The following NAALADL2 variants were observed in gnomAD, a reference collection of about 807,000 sequenced individuals.
NAALADL2 encodes inactive N-acetylated-alpha-linked acidic dipeptidase-like protein 2.
In NAALADL2, 76 loss-of-function variants were observed where a neutral mutation model predicts 87.2. The ratio of observed to expected loss-of-function variants is 0.87; its 90% CI spans 0.72 to 1.05. The LOEUF (loss-of-function observed/expected upper bound fraction) is 1.05, where lower values mean the gene tolerates loss of function less well. Among genes scored for constraint, NAALADL2 ranks in the 50% least tolerant of loss-of-function variants. The pLI, the probability that NAALADL2 is intolerant of heterozygous loss-of-function variation, is 0.00. For missense variants in NAALADL2, 1,089 were observed against 945.8 expected (o/e 1.15, Z -1.99); for synonymous variants, 354 against 331.0 (o/e 1.07, Z -0.75).
intron 3 of NAALADL2, among the ~76,000 whole-genome samples, chr3:174,818,345 T>G (rs1721021958): frequency 6.6e-6 from 1 of 152,134 alleles, no homozygotes; most frequent in Non-Finnish European, 1.5e-5. Flanking sequence ...GAGCTTCTTC[T>G]TGAAATACCC....
intron 11 of NAALADL2, among the ~76,000 whole-genome samples, chr3:175,705,968 G>T (rs1395155384): frequency 6.6e-6 from 1 of 152,238 alleles, no homozygotes; most frequent in South Asian, 2.1e-4. Flanking sequence ...AAGTAACATG[G>T]CATTTTCGGC....
At chr3:175,011,280 CAGAG>C (rs139229550) in intron 1 of NAALADL2, among the ~76,000 whole-genome samples, 8,060 of 113,108 alleles carry the variant, frequency 0.071, 285 homozygotes, top group East Asian at 0.2. Context: ...GACAGAGAGA[CAGAG>C]AGAGAGAGAG....
At chr3:174,689,005 A>G (rs1344303694) in intron 2 of NAALADL2, among the ~76,000 whole-genome samples, 1 of 151,978 alleles carries the variant, frequency 6.6e-6, no homozygotes, top group Non-Finnish European at 1.5e-5. Context: ...ACATCAGCAA[A>G]AAAAAAAAAT....
intron 5 of NAALADL2, among the ~76,000 whole-genome samples, chr3:175,338,538 G>A (rs1167149246): frequency 6.8e-6 from 1 of 146,594 alleles, no homozygotes; most frequent in East Asian, 2.0e-4. Flanking sequence ...TAGCAACAGA[G>A]GCACCAGGAA....
intron 2 of NAALADL2, among the ~76,000 whole-genome samples, chr3:175,187,465 A>C (rs1485231392): frequency 6.6e-6 from 1 of 152,056 alleles, no homozygotes; most frequent in South Asian, 2.1e-4. Context: ...TGTAAGCTTT[A>C]GGTTTGAATC....
chr3:174,967,458 G>C (rs1743048086), intron 1 of NAALADL2, among the ~76,000 whole-genome samples: 1 of 151,456 alleles, frequency 6.6e-6, no homozygotes, highest in Admixed American at 6.6e-5. Context: ...TGACTTTGTT[G>C]CTCCTGTCTC....
At chr3:175,688,407 C>G (rs994968076) in intron 11 of NAALADL2, among the ~76,000 whole-genome samples, 12 of 152,064 alleles carry the variant, frequency 7.9e-5, no homozygotes, top group African/African-American at 2.7e-4. Context: ...CTCAGGTGAG[C>G]TGGGAGAGAC....
At chr3:175,526,098 T>C (rs2149432652) in intron 9 of NAALADL2, among the ~76,000 whole-genome samples, 1 of 152,326 alleles carries the variant, frequency 6.6e-6, no homozygotes, top group East Asian at 1.9e-4. Context: ...ATCAGCCTTT[T>C]TAAAAATGAG....
chr3:174,477,243 T>G (rs1717271634), intron 1 of NAALADL2, among the ~76,000 whole-genome samples: 1 of 152,158 alleles, frequency 6.6e-6, no homozygotes, highest in Non-Finnish European at 1.5e-5. Context: ...TTAGGCCAAA[T>G]ATCATTTGCT....
chr3:174,654,780 G>A (rs1724731102), intron 2 of NAALADL2, among the ~76,000 whole-genome samples: 1 of 152,076 alleles, frequency 6.6e-6, no homozygotes, highest in Admixed American at 6.6e-5. Flanking sequence ...CTGTCACCCA[G>A]GCTGGAGTGC....
intron 3 of NAALADL2, among the ~76,000 whole-genome samples, chr3:174,825,283 AT>A (rs1228414776): frequency 2.0e-5 from 3 of 151,070 alleles, no homozygotes; most frequent in African/African-American, 7.3e-5. Context: ...ACATAGAGTA[AT>A]TCCCAGTCCA....
chr3:174,601,535 C>A (rs1452275955), intron 2 of NAALADL2, among the ~76,000 whole-genome samples: 1 of 152,044 alleles, frequency 6.6e-6, no homozygotes, highest in Non-Finnish European at 1.5e-5. Flanking sequence ...CTTATATATT[C>A]CAGTTATAAA....
At chr3:175,308,849 A>C (rs1399155016) in intron 4 of NAALADL2, among the ~76,000 whole-genome samples, 1 of 152,188 alleles carries the variant, frequency 6.6e-6, no homozygotes. Context: ...CTTCTTTGCC[A>C]ACTATAAATC....
intron 11 of NAALADL2, among the ~76,000 whole-genome samples, chr3:175,696,860 C>T (rs184588700): frequency 6.6e-6 from 1 of 152,172 alleles, no homozygotes; most frequent in African/African-American, 2.4e-5. Flanking sequence ...GGTGAGCAAT[C>T]ACAAAAGGCA....
intron 5 of NAALADL2, among the ~76,000 whole-genome samples, chr3:175,402,514 T>A (rs1051195400): frequency 6.6e-6 from 1 of 152,132 alleles, no homozygotes; most frequent in African/African-American, 2.4e-5. Context: ...ATCCTTTTTA[T>A]CTGAGTCTTG....
intron 2 of NAALADL2, among the ~76,000 whole-genome samples, chr3:175,163,289 T>C (rs2108856844): frequency 6.6e-6 from 1 of 152,196 alleles, no homozygotes; most frequent in African/African-American, 2.4e-5. Context: ...TGTCTGCTTT[T>C]TTACATCCAG....
chr3:174,948,730 T>G (rs1213661894), intron 1 of NAALADL2, among the ~76,000 whole-genome samples: 1 of 152,038 alleles, frequency 6.6e-6, no homozygotes, highest in Non-Finnish European at 1.5e-5. Flanking sequence ...ACTCAAAAAC[T>G]GGGGGCTGGA....
chr3:174,556,808 AT>A (rs1473160050), intron 2 of NAALADL2, among the ~76,000 whole-genome samples: 1 of 152,046 alleles, frequency 6.6e-6, no homozygotes, highest in African/African-American at 2.4e-5. Context: ...TGGCACAATC[AT>A]GGCTTACTGC....
intron 9 of NAALADL2, among the ~76,000 whole-genome samples, chr3:175,502,439 TCA>T (rs1560663359): frequency 6.6e-6 from 1 of 152,170 alleles, no homozygotes; most frequent in African/African-American, 2.4e-5. Context: ...TGACACTGCC[TCA>T]CTGCTTCGAT....
Sources: allele counts gnomAD v4.1 joint callset (sites outside exome capture counted in the v4.1 genomes callset), GRCh38; gene constraint gnomAD v4.1.1; transcripts MANE v1.5; gene names NCBI Gene and HGNC (gene_info 2026-07-23, HGNC 2026-07-21).